Variants in ERG observed in about 807,000 individuals in gnomAD.
ERG encodes ETS transcription factor ERG.
In ERG, 9 loss-of-function variants were observed where a neutral mutation model predicts 55.3. That is an observed-to-expected ratio of 0.16 (90% CI 0.10 to 0.28). The LOEUF (loss-of-function observed/expected upper bound fraction) is 0.28. ERG is among the 10% of genes least tolerant of loss of function. The probability of loss-of-function intolerance (pLI) is 1.00; values close to 1 mark genes in which losing one functional copy is unlikely to be tolerated. For missense variants in ERG, 434 were observed against 631.6 expected (o/e 0.69, Z 3.35); for synonymous variants, 223 against 237.3 (o/e 0.94, Z 0.55).
intron 1 of ERG, among the ~76,000 whole-genome samples, chr21:38,643,641 C>A (rs1334401770): frequency 6.6e-6 from 1 of 152,146 alleles, no homozygotes; most frequent in Non-Finnish European, 1.5e-5. Flanking sequence ...ACAGGGGCAA[C>A]ACTCACAAGC....
At chr21:38,440,421 C>A (rs372589012) in intron 2 of ERG, among the ~76,000 whole-genome samples, 2 of 152,194 alleles carry the variant, frequency 1.3e-5, no homozygotes, top group South Asian at 4.1e-4. Context: ...CCTGGCCCCT[C>A]GAGCTGGGCT....
At chr21:38,517,468 G>A (rs749886773) in intron 2 of ERG, among the ~76,000 whole-genome samples, 1 of 152,066 alleles carries the variant, frequency 6.6e-6, no homozygotes, top group Non-Finnish European at 1.5e-5. Flanking sequence ...AACAGATGCT[G>A]GCCAGAATGC....
At chr21:38,400,525 C>T (rs758944673) in intron 6 of ERG, 49 bp downstream of exon 6, 4 of 1,424,834 alleles carry the variant, frequency 2.8e-6, no homozygotes, top group East Asian at 2.3e-5. Flanking sequence ...CTCAGCAGGA[C>T]ATCTGGGATG....
Position 38,423,469 on chromosome 21 carries a change from T to C in ERG, c.329A>G (p.Glu110Gly). The part of the protein sequence containing the change: ...VGMNYGSYME[E>G]KHMPPPNMTT... ...CATGTTTGGGGGTGGCATGTGCTTC[T>C]CCTCCATGTAGCTGCCGTAGTTCAT... Residue 110 changes from glutamate (E) to glycine (G), a missense_variant, in exon 3 of 10, where the codon GAG (glutamate) becomes GGG (glycine). Around this residue, in one of 5 missense-constraint regions of ERG, gnomAD observed 212 missense variants for 262.9 expected, o/e 0.81. Coordinates refer to ENST00000288319, the MANE Select transcript of ERG (RefSeq NM_182918.4). 2 of 1,614,128 alleles carry C rather than the reference T, an allele frequency of 1.2e-6. No homozygotes were observed. The highest frequency in any genetic ancestry group is 1.1e-5 in the South Asian group (1 of 91,068).
intron 1 of ERG, among the ~76,000 whole-genome samples, chr21:38,661,230 CG>C (rs2060554295): frequency 1.3e-5 from 2 of 152,066 alleles, no homozygotes; most frequent in Admixed American, 1.3e-4. Context: ...AACTCGGGGT[CG>C]CTTTTAGCGA....
At chr21:38,424,180 A>G (rs1989691539) in intron 2 of ERG, among the ~76,000 whole-genome samples, 1 of 35,486 alleles carries the variant, frequency 2.8e-5, no homozygotes, top group African/African-American at 1.6e-4. Context: ...AAGAGACCAG[A>G]GCTCGAGCTC....
At chr21:38,536,295 G>T (rs536285390) in intron 2 of ERG, among the ~76,000 whole-genome samples, 3 of 43,926 alleles carry the variant, frequency 6.8e-5, no homozygotes, top group Non-Finnish European at 1.0e-4. Context: ...TGGAAAGCTG[G>T]TCAGTAGTAA....
At chr21:38,422,180 C>T (rs1218830950) in intron 3 of ERG, among the ~76,000 whole-genome samples, 1 of 152,216 alleles carries the variant, frequency 6.6e-6, no homozygotes. Flanking sequence ...GACATTGGCA[C>T]GGATACTTGG....
chr21:38,500,449 G>A (rs1230909771), upstream of ERG, among the ~76,000 whole-genome samples: 2 of 152,174 alleles, frequency 1.3e-5, no homozygotes, highest in Non-Finnish European at 2.9e-5. Context: ...TGTGAAGAGT[G>A]GGATTTCTTA....
At chr21:38,440,130 A>G (rs891921161) in intron 2 of ERG, among the ~76,000 whole-genome samples, 1 of 152,264 alleles carries the variant, frequency 6.6e-6, no homozygotes, top group African/African-American at 2.4e-5. Flanking sequence ...CTTGACTTCA[A>G]GTGGCATGTG....
chr21:38,392,171 T>C, intron 7 of ERG: 1 of 671,976 alleles, frequency 1.5e-6, no homozygotes, highest in Non-Finnish European at 2.7e-6. Flanking sequence ...ACATCATTCC[T>C]TTATTTTTGT....
intron 2 of ERG, among the ~76,000 whole-genome samples, chr21:38,507,965 G>GCA (rs1229923204): frequency 8.8e-3 from 7 of 794 alleles, no homozygotes; most frequent in Admixed American, 0.074. Context: ...ACACGCACAT[G>GCA]CACACACACA....
the ERG span, among the ~76,000 whole-genome samples, chr21:38,371,073 T>C: frequency 2.6e-5 from 4 of 152,092 alleles, no homozygotes; most frequent in Non-Finnish European, 4.4e-5. Flanking sequence ...TTTGCTTACG[T>C]TGTCTTTAAT....
At chr21:38,493,987 G>A (rs960246991) in intron 1 of ERG, among the ~76,000 whole-genome samples, 2 of 152,214 alleles carry the variant, frequency 1.3e-5, no homozygotes, top group Non-Finnish European at 2.9e-5. Flanking sequence ...TCCGCGGGGG[G>A]GCGTCTGATG....
chr21:38,516,789 T>C (rs938302822), intron 2 of ERG, among the ~76,000 whole-genome samples: 2 of 151,984 alleles, frequency 1.3e-5, no homozygotes, highest in Non-Finnish European at 2.9e-5. Flanking sequence ...TGGAACAGAA[T>C]TGATAACCCA....
intron 1 of ERG, among the ~76,000 whole-genome samples, chr21:38,465,193 G>A (rs879135619): frequency 1.3e-5 from 2 of 152,162 alleles, no homozygotes; most frequent in Admixed American, 1.3e-4. Context: ...ATGTAAGTAG[G>A]TTTTTGTTAG....
At chr21:38,430,208 A>T (rs1226291274) in intron 2 of ERG, among the ~76,000 whole-genome samples, 1 of 151,684 alleles carries the variant, frequency 6.6e-6, no homozygotes, top group Admixed American at 6.6e-5. Context: ...GGCCATTTGT[A>T]TTTCTTCTTT....
At chr21:38,555,535 T>C (rs958706832) in intron 2 of ERG, among the ~76,000 whole-genome samples, 4 of 152,144 alleles carry the variant, frequency 2.6e-5, no homozygotes, top group Non-Finnish European at 5.9e-5. Context: ...ATGTAACTTA[T>C]ATGTTACATC....
At chr21:38,444,817 C>T (rs2058874821) in intron 2 of ERG, among the ~76,000 whole-genome samples, 1 of 151,908 alleles carries the variant, frequency 6.6e-6, no homozygotes, top group Non-Finnish European at 1.5e-5. Context: ...CAATGGAGAT[C>T]CACTAGCAAA....
Sources: gnomAD v4.1 joint callset for allele counts (sites outside exome capture counted in the v4.1 genomes callset) on GRCh38, gnomAD v4.1.1 for gene constraint, gnomAD v4.1.1 regional missense constraint, MANE v1.5 for transcripts, NCBI Gene and HGNC (gene_info 2026-07-23, HGNC 2026-07-21) for gene names.